Variants in PLCL1 observed in about 807,000 individuals in gnomAD.
PLCL1 encodes the protein inactive phospholipase C-like protein 1.
PLCL1 carries 41 observed loss-of-function variants against 84.4 expected under a neutral mutation model. The observed-to-expected ratio is 0.49, with a 90% CI of 0.38 to 0.63. PLCL1 has a LOEUF of 0.63. Among genes scored for constraint, PLCL1 ranks in the 30% least tolerant of loss-of-function variants. The pLI, the probability that PLCL1 is intolerant of heterozygous loss-of-function variation, is 0.00. For missense variants in PLCL1, 1,206 were observed against 1,367.8 expected, an observed-to-expected ratio of 0.88 and a Z score of 1.87; for synonymous variants, 490 against 488.3, an observed-to-expected ratio of 1.00 and a Z score of -0.05.
intron 1 of PLCL1, among the ~76,000 whole-genome samples, chr2:197,829,151 G>A (rs981772059): frequency 1.3e-5 from 2 of 152,132 alleles, no homozygotes; most frequent in African/African-American, 4.8e-5. Context: ...AAATTTAAGT[G>A]AGCATCCTGT....
At chr2:197,896,938 T>C (rs1054946786) in intron 1 of PLCL1, among the ~76,000 whole-genome samples, 3 of 152,192 alleles carry the variant, frequency 2.0e-5, no homozygotes, top group African/African-American at 7.2e-5. Context: ...TTAGAGCAGA[T>C]AGAAAGAAGA....
rs958486572 is a variant in PLCL1, at chr2:198,119,902, G to A, written c.3105+15966G>A. 7.9e-5 allele frequency among the ~76,000 whole-genome samples: 12 copies of A among 152,084 alleles called. 1 individual carries two copies. In the South Asian group the frequency reaches 8.3e-4, roughly 11 times the overall value. ...AGATGATGCGACTAACTAGTAAGCC[G>A]TGGGGATGGATGCACACCTTGATCT... On this transcript the variant is annotated intron_variant, in intron 5 of 5. Coordinates refer to ENST00000428675, the MANE Select transcript of PLCL1 (RefSeq NM_006226.4).
chr2:197,891,665 A>G (rs1688032176), intron 1 of PLCL1, among the ~76,000 whole-genome samples: 1 of 150,682 alleles, frequency 6.6e-6, no homozygotes, highest in African/African-American at 2.5e-5. Context: ...TGACAGGGAG[A>G]GTATTATGGA....
rs760577848 is a variant in PLCL1, at chr2:197,983,200, C to CTTTTTTTTTTTTTTTTTTTTTTTTTTTTT, written c.241-100547_241-100519dup. Among the ~76,000 whole-genome samples, 46 of 60,284 alleles carry CTTTTTTTTTTTTTTTTTTTTTTTTTTTTT rather than the reference C, an allele frequency of 7.6e-4. 7 individuals carry two copies. The highest frequency in any genetic ancestry group is 2.1e-3 in the East Asian group (4 of 1,876). 39.5% of individuals were successfully genotyped at this position (60,284 alleles called of 152,430 possible). A position where few individuals can be genotyped will look rare whatever the true frequency, so the allele number is the denominator to read the frequency against. ...TTTCTTTTTCTTTTTCTTTTCTTTT[C>CTTTTTTTTTTTTTTTTTTTTTTTTTTTTT]TTTTTTTTTTTTTTTTTTTTTTTTT... On this transcript the variant is annotated intron_variant, in intron 1 of 5. Coordinates refer to ENST00000428675, the MANE Select transcript of PLCL1 (RefSeq NM_006226.4).
chr2:197,975,195 G>C (rs188836663), intron 1 of PLCL1, among the ~76,000 whole-genome samples: 2 of 142,728 alleles, frequency 1.4e-5, no homozygotes, highest in African/African-American at 5.2e-5. Context: ...TCACATTATT[G>C]AGTGTCCACG....
At chr2:197,888,046 T>C (rs1023270353) in intron 1 of PLCL1, among the ~76,000 whole-genome samples, 4 of 151,968 alleles carry the variant, frequency 2.6e-5, no homozygotes, top group African/African-American at 9.7e-5. Flanking sequence ...GAGCTGTGAT[T>C]GTGCCACTGG....
intron 1 of PLCL1, among the ~76,000 whole-genome samples, chr2:198,015,335 A>G (rs1175197723): frequency 1.3e-5 from 2 of 152,178 alleles, no homozygotes; most frequent in East Asian, 3.8e-4. Flanking sequence ...ATAAAAAGCA[A>G]TATAGTACTT....
intron 5 of PLCL1, among the ~76,000 whole-genome samples, chr2:198,114,675 G>A (rs1033609619): frequency 1.3e-5 from 2 of 151,728 alleles, no homozygotes; most frequent in Non-Finnish European, 2.9e-5. Flanking sequence ...GCCCTTGTAG[G>A]TTTTATACTC....
intron 1 of PLCL1, among the ~76,000 whole-genome samples, chr2:197,862,696 A>G (rs982932992): frequency 2.0e-5 from 3 of 152,128 alleles, no homozygotes; most frequent in Admixed American, 2.0e-4. Flanking sequence ...ACAATAGAAA[A>G]GAATGGTTTT....
At chr2:197,855,437 A>G (rs1429382578) in intron 1 of PLCL1, among the ~76,000 whole-genome samples, 5 of 152,134 alleles carry the variant, frequency 3.3e-5, no homozygotes, top group African/African-American at 7.2e-5. Context: ...TGGTTTTGCT[A>G]TGCCTTTGTC....
At chr2:197,909,825 C>T (rs1288133246) in intron 1 of PLCL1, among the ~76,000 whole-genome samples, 1 of 152,156 alleles carries the variant, frequency 6.6e-6, no homozygotes, top group Non-Finnish European at 1.5e-5. Flanking sequence ...ATAAAAAGTC[C>T]AGTGGACCCT....
intron 1 of PLCL1, among the ~76,000 whole-genome samples, chr2:197,850,686 A>G (rs1687217401): frequency 1.3e-5 from 2 of 152,154 alleles, no homozygotes; most frequent in South Asian, 4.1e-4. Context: ...TGTCTGTACA[A>G]CAACTACACC....
chr2:198,024,290 T>C (rs1691210102), intron 1 of PLCL1, among the ~76,000 whole-genome samples: 1 of 152,070 alleles, frequency 6.6e-6, no homozygotes, highest in Admixed American at 6.6e-5. Context: ...GAGAAATACC[T>C]AATGTGGATG....
chr2:197,887,850 C>A (rs1202978871), intron 1 of PLCL1, among the ~76,000 whole-genome samples: 1 of 152,090 alleles, frequency 6.6e-6, no homozygotes, highest in Non-Finnish European at 1.5e-5. Context: ...GTTGCTCATG[C>A]CTGTAATTCC....
intron 1 of PLCL1, among the ~76,000 whole-genome samples, chr2:197,862,781 A>G (rs1269354734): frequency 6.6e-6 from 1 of 152,040 alleles, no homozygotes; most frequent in Non-Finnish European, 1.5e-5. Context: ...TGTCTGTCCA[A>G]CCCCAGATGA....
intron 5 of PLCL1, among the ~76,000 whole-genome samples, chr2:198,125,718 C>T (rs1693969237): frequency 6.6e-6 from 1 of 151,968 alleles, no homozygotes; most frequent in African/African-American, 2.4e-5. Flanking sequence ...GCTTTGGCTG[C>T]CACACCTAAA....
intron 5 of PLCL1, among the ~76,000 whole-genome samples, chr2:198,136,195 GT>G (rs1315523451): frequency 1.3e-5 from 2 of 152,066 alleles, no homozygotes; most frequent in African/African-American, 4.8e-5. Flanking sequence ...TGTTATTTCT[GT>G]TTATATAATA....
At chr2:198,048,235 T>C (rs1407820416) in intron 1 of PLCL1, among the ~76,000 whole-genome samples, 1 of 152,118 alleles carries the variant, frequency 6.6e-6, no homozygotes, top group Non-Finnish European at 1.5e-5. Flanking sequence ...ACACAGAAAT[T>C]TATTGCTTTA....
chr2:197,828,783 A>C (rs1160835532), intron 1 of PLCL1, among the ~76,000 whole-genome samples: 1 of 152,164 alleles, frequency 6.6e-6, no homozygotes, highest in Non-Finnish European at 1.5e-5. Flanking sequence ...CCCCTTAGGA[A>C]ACATATCAAG....
Sources: gnomAD v4.1 joint callset for allele counts (sites outside exome capture counted in the v4.1 genomes callset) on GRCh38, gnomAD v4.1.1 for gene constraint, MANE v1.5 for transcripts, NCBI Gene and HGNC (gene_info 2026-07-23, HGNC 2026-07-21) for gene names.